Variants in DLGAP1 observed in about 807,000 individuals in gnomAD.
DLGAP1 encodes the protein DLG associated protein 1.
DLGAP1 carries 11 observed loss-of-function variants against 90.8 expected under a neutral mutation model. The ratio of observed to expected loss-of-function variants is 0.12; its 90% CI spans 0.08 to 0.20. DLGAP1 has a LOEUF of 0.20. DLGAP1 is among the 10% of genes least tolerant of loss of function. The probability of loss-of-function intolerance (pLI) is 1.00; values close to 1 mark genes in which losing one functional copy is unlikely to be tolerated. For missense variants in DLGAP1, 1,050 were observed against 1,333.8 expected (o/e 0.79, Z 3.31); for synonymous variants, 558 against 540.7 (o/e 1.03, Z -0.44).
At chr18:3,503,657 G>A (rs372353758) in intron 11 of DLGAP1, among the ~76,000 whole-genome samples, 9 of 152,142 alleles carry the variant, frequency 5.9e-5, no homozygotes, top group African/African-American at 2.2e-4. Context: ...ATAACACGAG[G>A]CCAGTGTATG....
At chr18:3,646,583 T>G in intron 7 of DLGAP1, among the ~76,000 whole-genome samples, 1 of 152,192 alleles carries the variant, frequency 6.6e-6, no homozygotes, top group Non-Finnish European at 1.5e-5. Context: ...TTTAATTTAG[T>G]AAAAAACAAA....
chr18:3,611,579 CCCACCTCGAAATTACATAG>C (rs2057630560), intron 7 of DLGAP1, among the ~76,000 whole-genome samples: 1 of 152,170 alleles, frequency 6.6e-6, no homozygotes, highest in Admixed American at 6.5e-5. Flanking sequence ...GTCCCCGCCT[CCCACCTCGAAATTACATAG>C]CAGGACCCGC....
chr18:4,453,695 G>A (rs538284792), intron 1 of DLGAP1, among the ~76,000 whole-genome samples: 4 of 152,210 alleles, frequency 2.6e-5, no homozygotes, highest in Non-Finnish European at 5.9e-5. Flanking sequence ...AGCCATTCAC[G>A]AAGACCACAA....
rs377016970 is a variant in DLGAP1 at position 4,366,155 on chromosome 18, T to C, written c.-267+88851A>G. 9.2e-5 allele frequency among the ~76,000 whole-genome samples: 14 copies of C among 152,218 alleles called. No homozygotes were observed. The East Asian group carries it at 2.5e-3, about 27-fold the overall frequency. ...TAAATCTGAATTCCATTGGTCAAAA[T>C]TTCAATATAAAATGGATTTACACAA... On this transcript the variant is annotated intron_variant, in intron 1 of 12. Coordinates refer to ENST00000315677, the MANE Select transcript of DLGAP1 (RefSeq NM_004746.4).
At chr18:3,965,190 C>T (rs552689726) in intron 3 of DLGAP1, among the ~76,000 whole-genome samples, 1 of 152,116 alleles carries the variant, frequency 6.6e-6, no homozygotes, top group African/African-American at 2.4e-5. Context: ...CTGAACAACA[C>T]CACAAAGCCT....
chr18:3,879,590 T>G lies in DLGAP1; in HGVS notation c.479A>C (p.Lys160Thr). The G allele has an allele frequency of 6.2e-7, 1 of 1,601,024 alleles. No individual in the cohort carries two copies. Among genetic ancestry groups the G allele is most frequent in the Non-Finnish European group, 8.5e-7 (1 of 1,177,754 alleles). ...GGCCTTGCCCCCGTTGACGCTGCCCTTGGACGGCCCCTCCAGGGAGTGCGA... is the reference window on the plus strand; with the variant it reads ...GGCCTTGCCCCCGTTGACGCTGCCCGTGGACGGCCCCTCCAGGGAGTGCGA... Reference protein sequence around the residue: ...TKSHSLEGPSKGSVNGGKASP... With the variant: ...TKSHSLEGPSTGSVNGGKASP... Residue 160 changes from lysine to threonine, a missense_variant, in exon 4 of 13, where the codon AAG (lysine) becomes ACG (threonine). This residue lies in a region of DLGAP1 where 485 missense variants were observed against 454.1 expected (regional missense o/e 1.07). Transcript: ENST00000315677. The surrounding 1 kb of genome is among the most constrained non-coding windows in gnomAD (Gnocchi z 6.6).
intron 4 of DLGAP1, among the ~76,000 whole-genome samples, chr18:3,869,153 C>CGTT (rs1335744288): frequency 4.3e-5 from 6 of 140,728 alleles, no homozygotes; most frequent in African/African-American, 1.6e-4. Context: ...GTGTGTATTG[C>CGTT]GTTTTTTTTT....
chr18:4,394,018 G>A (rs948842923), intron 1 of DLGAP1, among the ~76,000 whole-genome samples: 2 of 152,172 alleles, frequency 1.3e-5, no homozygotes, highest in African/African-American at 4.8e-5. Flanking sequence ...GACTGGTACT[G>A]TCCATGGCAG....
chr18:3,796,662 C>T (rs756172977), intron 5 of DLGAP1, among the ~76,000 whole-genome samples: 3 of 152,152 alleles, frequency 2.0e-5, no homozygotes, highest in East Asian at 3.9e-4. Context: ...AGCCGCTTAG[C>T]CACTGAGCTA....
intron 7 of DLGAP1, among the ~76,000 whole-genome samples, chr18:3,614,195 C>G (rs919203464): frequency 1.2e-5 from 1 of 82,506 alleles, no homozygotes; most frequent in Admixed American, 1.2e-4. Flanking sequence ...GCTAGGATTA[C>G]AGGCGAGCCA....
chr18:3,858,582 A>C lies in DLGAP1; in HGVS notation c.957+20530T>G, dbSNP rs141929896. 3.0e-4 allele frequency among the ~76,000 whole-genome samples: 45 copies of C among 152,092 alleles called. No individual in the cohort carries two copies. In the East Asian group the frequency reaches 6.6e-3, roughly 22 times the overall value. On this transcript the variant is annotated intron_variant, in intron 4 of 12. Coordinates refer to ENST00000315677, the MANE Select transcript of DLGAP1 (RefSeq NM_004746.4). ...TAAAACACCTGATTGCAAATGTGCA[A>C]GATGTATGCATTTACATGTATAGAT...
At chr18:3,633,595 C>A (rs1228269700) in intron 7 of DLGAP1, among the ~76,000 whole-genome samples, 1 of 152,112 alleles carries the variant, frequency 6.6e-6, no homozygotes, top group Non-Finnish European at 1.5e-5. Flanking sequence ...TTTAGAAACA[C>A]TATTCTGTAA....
At chr18:4,307,558 A>G (rs2080290831) in intron 1 of DLGAP1, among the ~76,000 whole-genome samples, 1 of 152,286 alleles carries the variant, frequency 6.6e-6, no homozygotes, top group Middle Eastern at 3.4e-3. Flanking sequence ...GTGTAATATG[A>G]TCTCTTTCAA....
chr18:3,983,087 G>A (rs1280782935), intron 3 of DLGAP1: 1 of 152,050 alleles, frequency 6.6e-6, no homozygotes, highest in Non-Finnish European at 1.5e-5. Flanking sequence ...GTTCTTCAGA[G>A]TCAAAGGAAT....
chr18:4,017,456 TAAAG>T (rs1568354165), intron 2 of DLGAP1, among the ~76,000 whole-genome samples: 2 of 152,244 alleles, frequency 1.3e-5, no homozygotes, highest in Non-Finnish European at 2.9e-5. Context: ...ACAAAAAAGT[TAAAG>T]AAAGTCTTTA....
chr18:4,411,928 T>C (rs2082787131), intron 1 of DLGAP1, among the ~76,000 whole-genome samples: 3 of 152,190 alleles, frequency 2.0e-5, no homozygotes, highest in Admixed American at 2.0e-4. Flanking sequence ...TCACAGCCTG[T>C]CAAAAGTCCA....
At chr18:4,448,073 C>T (rs73372930) in intron 1 of DLGAP1, among the ~76,000 whole-genome samples, 1,640 of 152,264 alleles carry the variant, frequency 0.011, 31 homozygotes, top group African/African-American at 0.037. Context: ...CACGTCTATG[C>T]AAATGTTTTC....
chr18:4,180,016 T>C (rs1282520371), intron 1 of DLGAP1, among the ~76,000 whole-genome samples: 1 of 152,158 alleles, frequency 6.6e-6, no homozygotes, highest in Non-Finnish European at 1.5e-5. Flanking sequence ...GCTAAGGAAT[T>C]TGGACTTTAC....
At chr18:4,139,165 T>C (rs1228046164) in intron 2 of DLGAP1, among the ~76,000 whole-genome samples, 3 of 151,916 alleles carry the variant, frequency 2.0e-5, no homozygotes, top group African/African-American at 4.8e-5. Flanking sequence ...CTTATACTAA[T>C]CTTGGGTTTG....
Sources: gnomAD v4.1 joint callset for allele counts (sites outside exome capture counted in the v4.1 genomes callset) on GRCh38, gnomAD v4.1.1 for gene constraint, gnomAD v4.1.1 regional missense constraint, Gnocchi (gnomAD v3.1) non-coding constraint, MANE v1.5 for transcripts, NCBI Gene and HGNC (gene_info 2026-07-23, HGNC 2026-07-21) for gene names.